RP1L1: variants seen among roughly 807,000 people sequenced by gnomAD.
The protein encoded by RP1L1 is RP1 like 1.
A neutral mutation model predicts 15.7 loss-of-function variants in RP1L1; 27 were observed. The ratio of observed to expected loss-of-function variants is 1.72; its 90% CI spans 1.27 to 2.38. The LOEUF (loss-of-function observed/expected upper bound fraction) is 2.38. Among genes scored for constraint, RP1L1 ranks in the 30% most tolerant of loss-of-function variants. RP1L1 has a pLI of 0.00. For missense variants in RP1L1, 4,798 were observed against 3,075.9 expected (o/e 1.56, Z -13.24); for synonymous variants, 1,813 against 1,276.7 (o/e 1.42, Z -8.96).
intron 2 of RP1L1, among the ~76,000 whole-genome samples, chr8:10,622,154 T>C (rs1798069647): frequency 6.6e-6 from 1 of 151,852 alleles, no homozygotes; most frequent in South Asian, 2.1e-4. Context: ...AAACCCTGTC[T>C]CTACTAAAAC....
chr8:10,612,592 G>C lies in RP1L1; in HGVS notation c.1506C>G (p.Asp502Glu). The C allele has an allele frequency of 7.5e-6, 12 of 1,604,106 alleles. No homozygotes were observed. Among genetic ancestry groups the C allele is most frequent in the Non-Finnish European group, 1.0e-5 (12 of 1,179,452 alleles). Residue 502 changes from aspartate (D) to glutamate (E), a missense_variant, in exon 4 of 4, where the codon GAC (aspartate) becomes GAG (glutamate). Coordinates refer to ENST00000382483, the MANE Select transcript of RP1L1 (RefSeq NM_178857.6). Reference protein sequence around the residue: ...ERKAGGSLGEDPGLCIDGAGL... With the variant: ...ERKAGGSLGEEPGLCIDGAGL... ...CTGCTCCATCTATGCATAGGCCGGG[G>C]TCCTCACCCAGGCTCCCTCCAGCTT...
In RP1L1 at chr8:10,610,156, C is replaced by A; in HGVS notation, c.3942G>T (p.Gly1314=). ...CTAACTGCACCGCCTCTTCTTGCAG[C>A]CCTTCTCCTTCTGTTCCTTCTTTAG... The part of the protein sequence containing the change: ...EETKEGTEGE[G]LQEEAVQLEE... Residue 1314 remains glycine, a synonymous_variant, in exon 4 of 4, where the codon GGG becomes GGT. Coordinates refer to ENST00000382483, the MANE Select transcript of RP1L1 (RefSeq NM_178857.6). 1.2e-6 allele frequency: 2 copies of A among 1,612,292 alleles called. No individual in the cohort carries two copies. The highest frequency in any genetic ancestry group is 8.5e-7 in the Non-Finnish European group (1 of 1,179,060).
rs758058333 is a variant in RP1L1 at position 10,609,572 on chromosome 8, C to G, written c.4526G>C (p.Ser1509Thr). 6.2e-7 allele frequency: 1 copy of G among 1,603,566 alleles called. No homozygotes were observed. Among genetic ancestry groups the G allele is most frequent in the Non-Finnish European group, 8.5e-7 (1 of 1,177,328 alleles). Residue 1509 changes from serine (S) to threonine (T), a missense_variant, in exon 4 of 4, where the codon AGC (serine) becomes ACC (threonine). Physicochemically the swap from Ser to Thr is moderately conservative, Grantham distance 58 (BLOSUM62 1). Coordinates refer to ENST00000382483, the MANE Select transcript of RP1L1 (RefSeq NM_178857.6). ...GATGGGGTCGCAGTCCAGAGCCGCG[C>G]TGCAGGCCACCGAAGAGCTCCTCTC... ...AAERSSSVAC[S>T]AALDCDPIWV...
Position 10,612,898 on chromosome 8 carries a change from C to A in RP1L1, c.1200G>T (p.Gln400His). ...GCREVFGRGG[Q>H]PGPKYEIWTN... ...TCCAGATTTCATACTTGGGCCCTGG[C>A]TGCCCGCCTCGGCCAAAGACTTCCC... Residue 400 changes from glutamine (Q) to histidine (H), a missense_variant, in exon 4 of 4, where the codon CAG (glutamine) becomes CAT (histidine). Gln to His is a conservative substitution (Grantham distance 24). Transcript: ENST00000382483. 6.2e-7 allele frequency: 1 copy of A among 1,613,060 alleles called. No homozygotes were observed. The highest frequency in any genetic ancestry group is 8.5e-7 in the Non-Finnish European group (1 of 1,179,944).
At chr8:10,652,541 G>A (rs144995693) in intron 1 of RP1L1, among the ~76,000 whole-genome samples, 2 of 152,270 alleles carry the variant, frequency 1.3e-5, no homozygotes, top group East Asian at 3.9e-4. Context: ...GGCTTGGAAA[G>A]CTTCAATGAC....
chr8:10,632,876 C>G lies in RP1L1; in HGVS notation c.-19-9656G>C, dbSNP rs142626144. On this transcript the variant is annotated intron_variant, in intron 1 of 3. Transcript: ENST00000382483. ...ACTCAGAGCCAAGAATGAGCTATCC[C>G]TTTAAGGATGCCCAGCCCATCCTTC... Among the ~76,000 whole-genome samples the G allele has an allele frequency of 4.9e-4, 75 of 152,302 alleles. 1 individual carries two copies. The highest frequency in any genetic ancestry group is 4.9e-3 in the Admixed American group (75 of 15,300).
intron 1 of RP1L1, among the ~76,000 whole-genome samples, chr8:10,632,539 G>T (rs1436668760): frequency 2.6e-5 from 4 of 152,100 alleles, no homozygotes; most frequent in Non-Finnish European, 5.9e-5. Flanking sequence ...GCAGCTCCTT[G>T]TCTCCGCTCC....
In RP1L1 at chr8:10,611,013, G is replaced by A. The variant is rs950618618; in HGVS notation, c.3085C>T (p.Leu1029=). 4.5e-5 allele frequency: 73 copies of A among 1,612,596 alleles called. No homozygotes were observed. Among genetic ancestry groups the A allele is most frequent in the Non-Finnish European group, 6.0e-5 (71 of 1,179,976 alleles). The change falls in exon 4 of 4, where the codon CTG becomes TTG. Residue 1029 remains leucine (L), a synonymous_variant. Coordinates refer to ENST00000382483, the MANE Select transcript of RP1L1 (RefSeq NM_178857.6). The part of the protein sequence containing the change: ...GQDPEPEGAL[L]GSSDTGPQSG... Reference sequence around the variant, plus strand: ...TGGGGACCAGTGTCACTACTCCCCAGGAGGGCTCCCTCTGGCTCTGGGTCC... The same window carrying A: ...TGGGGACCAGTGTCACTACTCCCCAAGAGGGCTCCCTCTGGCTCTGGGTCC...
intron 1 of RP1L1, among the ~76,000 whole-genome samples, chr8:10,636,360 A>G (rs1036370986): frequency 6.6e-6 from 1 of 152,224 alleles, no homozygotes; most frequent in Admixed American, 6.5e-5. Context: ...TCAGCATCCC[A>G]GGGCTAGCCT....
At chr8:10,649,964 A>G (rs1443075076) in intron 1 of RP1L1, among the ~76,000 whole-genome samples, 1 of 152,164 alleles carries the variant, frequency 6.6e-6, no homozygotes. Flanking sequence ...TCTCCCAGCC[A>G]CAGGAGTTGA....
At chr8:10,639,005 C>T (rs953306318) in intron 1 of RP1L1, among the ~76,000 whole-genome samples, 4 of 151,958 alleles carry the variant, frequency 2.6e-5, no homozygotes, top group Admixed American at 6.6e-5. Flanking sequence ...ATTAGCTGGG[C>T]GTGGTGGTGC....
Position 10,622,802 on chromosome 8 carries a change from C to T in RP1L1, c.400G>A (p.Gly134Ser), listed in dbSNP as rs750564813. ...GAGGTGCCTGGGGCTTCACGCTGGC[C>T]TTCGACATCCCGCAACTGCTGAGCA... ...PTAQQLRDVEGQREAPGTSSS... is the reference protein window; with the variant it reads ...PTAQQLRDVESQREAPGTSSS... Residue 134 changes from glycine to serine, a missense_variant, in exon 2 of 4, where the codon GGC becomes AGC. Transcript: ENST00000382483. The T allele has an allele frequency of 6.2e-7, 1 of 1,613,848 alleles. No homozygotes were observed. Among genetic ancestry groups the T allele is most frequent in the African/African-American group, 1.3e-5 (1 of 75,010 alleles).
intron 1 of RP1L1, among the ~76,000 whole-genome samples, chr8:10,650,130 G>A (rs1370764159): frequency 3.3e-5 from 5 of 152,198 alleles, no homozygotes; most frequent in South Asian, 2.1e-4. Flanking sequence ...GGATTGTCAC[G>A]TGTGTATGGA....
At position 10,612,973 on chromosome 8, in the gene RP1L1, G is replaced by GC; in HGVS notation, c.1124dup (p.Phe376LeufsTer31). ...GTCCCCACACCCCAGGCTCTGAGAA[G>GC]CCCCAAGGGTAGCCCTCCCACACAC... On this transcript the variant is annotated frameshift_variant, in exon 4 of 4. Transcript: ENST00000382483. LOFTEE classifies it low-confidence loss of function (END_TRUNC). The GC allele has an allele frequency of 6.2e-7, 1 of 1,613,146 alleles. No individual in the cohort carries two copies. Among genetic ancestry groups the GC allele is most frequent in the East Asian group, 2.2e-5 (1 of 44,866 alleles).
chr8:10,647,754 T>C (rs189991291), intron 1 of RP1L1, among the ~76,000 whole-genome samples: 3 of 152,370 alleles, frequency 2.0e-5, no homozygotes, highest in East Asian at 1.9e-4. Flanking sequence ...GATGAATCCA[T>C]GGATTATTTC....
In RP1L1 at chr8:10,608,349, G is replaced by C. The variant is rs1797753115; in HGVS notation, c.5749C>G (p.Pro1917Ala). The C allele has an allele frequency of 2.5e-6, 4 of 1,606,860 alleles. No homozygotes were observed. The highest frequency in any genetic ancestry group is 2.5e-6 in the Non-Finnish European group (3 of 1,178,612). The change falls in exon 4 of 4, where the codon CCA (proline) becomes GCA (alanine). Residue 1917 changes from proline to alanine, a missense_variant. Transcript: ENST00000382483. ...EAPEAEKEAQ[P>A]ETESVEALET... is the part of the protein sequence containing the mutation. ...AGGGCCTCTACACTTTCTGTCTCTG[G>C]CTGGGCCTCCTTTTCTGCCTCCGGG... is the stretch of plus-strand genomic sequence containing the variant.
At chr8:10,651,895 G>A (rs951925180) in intron 1 of RP1L1, among the ~76,000 whole-genome samples, 1 of 152,094 alleles carries the variant, frequency 6.6e-6, no homozygotes, top group Non-Finnish European at 1.5e-5. Flanking sequence ...AGTGCCCCAT[G>A]AGATGATCAT....
Position 10,611,049 on chromosome 8 carries a change from C to A in RP1L1, c.3049G>T (p.Asp1017Tyr). Residue 1017 changes from aspartate (D) to tyrosine (Y), a missense_variant, in exon 4 of 4, where the codon GAC becomes TAC. Physicochemically the swap from Asp to Tyr is radical, Grantham distance 160. Coordinates refer to ENST00000382483, the MANE Select transcript of RP1L1 (RefSeq NM_178857.6). ...AQAGQQSLEG[D>Y]PGQDPEPEGA... The stretch of plus-strand genomic sequence containing the variant: ...TCTGGCTCTGGGTCCTGGCCGGGGT[C>A]CCCTTCCAGGGACTGCTGTCCCGCC... 3.1e-6 allele frequency: 5 copies of A among 1,612,786 alleles called. No individual in the cohort carries two copies. The highest frequency in any genetic ancestry group is 4.2e-6 in the Non-Finnish European group (5 of 1,179,994).
At chr8:10,642,057 T>C (rs1217963912) in intron 1 of RP1L1, among the ~76,000 whole-genome samples, 2 of 152,164 alleles carry the variant, frequency 1.3e-5, no homozygotes, top group Admixed American at 6.5e-5. Context: ...TATTGTACTA[T>C]AGTTTTACAA....
Sources: gnomAD v4.1 joint callset for allele counts (sites outside exome capture counted in the v4.1 genomes callset) on GRCh38, gnomAD v4.1.1 for gene constraint, MANE v1.5 for transcripts, NCBI Gene and HGNC (gene_info 2026-07-23, HGNC 2026-07-21) for gene names.